The following USP54 variants were observed in gnomAD, a reference collection of about 807,000 sequenced individuals.
The protein encoded by USP54 is ubiquitin carboxyl-terminal hydrolase 54.
In USP54, 87 loss-of-function variants were observed where a neutral mutation model predicts 170.5. The ratio of observed to expected loss-of-function variants is 0.51; its 90% CI spans 0.43 to 0.61. The LOEUF (loss-of-function observed/expected upper bound fraction) is 0.61. USP54 is among the 20% of genes least tolerant of loss of function. The probability of loss-of-function intolerance (pLI) is 0.00; values close to 1 mark genes in which losing one functional copy is unlikely to be tolerated. For missense variants in USP54, 1,786 were observed against 2,047.8 expected, an observed-to-expected ratio of 0.87 and a Z score of 2.47; for synonymous variants, 655 against 742.8, an observed-to-expected ratio of 0.88 and a Z score of 1.92.
chr10:73,589,566 T>G (rs565660843), intron 1 of USP54, among the ~76,000 whole-genome samples: 187 of 152,348 alleles, frequency 1.2e-3, no homozygotes, highest in African/African-American at 4.2e-3. Flanking sequence ...TTTTAAACAC[T>G]TGATTCCATC....
chr10:73,535,029 G>A (rs2064938141), intron 11 of USP54, among the ~76,000 whole-genome samples: 1 of 152,062 alleles, frequency 6.6e-6, no homozygotes, highest in Non-Finnish European at 1.5e-5. Flanking sequence ...AAACTGTGAG[G>A]GTTTTATAAA....
At chr10:73,615,689 G>A (rs1168923623) in intron 1 of USP54, among the ~76,000 whole-genome samples, 2 of 150,082 alleles carry the variant, frequency 1.3e-5, no homozygotes, top group African/African-American at 5.1e-5. Flanking sequence ...GCGAAGCTGA[G>A]GCAGGCAGAT....
At chr10:73,563,089 C>T (rs1453126446) in intron 4 of USP54, among the ~76,000 whole-genome samples, 2 of 151,844 alleles carry the variant, frequency 1.3e-5, no homozygotes, top group East Asian at 1.9e-4. Context: ...GTAGCTGGGA[C>T]CACAGGCACA....
intron 3 of USP54, among the ~76,000 whole-genome samples, chr10:73,574,566 T>C (rs1183006499): frequency 2.0e-5 from 3 of 151,456 alleles, no homozygotes; most frequent in Non-Finnish European, 4.4e-5. Flanking sequence ...CACTTGAGGC[T>C]AGGAGTTCAA....
At chr10:73,602,967 T>G (rs1448065456) in intron 1 of USP54, among the ~76,000 whole-genome samples, 1 of 152,068 alleles carries the variant, frequency 6.6e-6, no homozygotes, top group Non-Finnish European at 1.5e-5. Flanking sequence ...ACACCTATTA[T>G]GTGCAAGTAT....
intron 21 of USP54, 101 bp from the exon 22 acceptor site, chr10:73,505,091 C>A: frequency 6.6e-7 from 1 of 1,525,072 alleles, no homozygotes; most frequent in African/African-American, 1.4e-5. Flanking sequence ...GGGGAAGACT[C>A]AGTAGTAATA....
chr10:73,542,677 G>A (rs1220176920), intron 7 of USP54, 126 bp downstream of exon 7: 4 of 889,030 alleles, frequency 4.5e-6, no homozygotes, highest in South Asian at 1.7e-5. Context: ...GTTGCAGTAA[G>A]CCGAGATTGT....
At chr10:73,586,474 C>G (rs1453202179) in intron 1 of USP54, among the ~76,000 whole-genome samples, 1 of 152,166 alleles carries the variant, frequency 6.6e-6, no homozygotes. Flanking sequence ...ACGTGGACTA[C>G]ATTTTGTCTT....
intron 17 of USP54, among the ~76,000 whole-genome samples, chr10:73,522,007 G>A (rs577550433): frequency 6.6e-6 from 1 of 152,220 alleles, no homozygotes; most frequent in African/African-American, 2.4e-5. Flanking sequence ...CCTTCACAAG[G>A]TTGCAGGGAA....
chr10:73,504,938 C>T lies in USP54; in HGVS notation c.4223G>A (p.Ser1408Asn). The change falls in exon 22 of 24, where the codon AGT becomes AAT. Residue 1408 changes from serine to asparagine, a missense_variant. Coordinates refer to ENST00000687698, the MANE Select transcript of USP54 (RefSeq NM_001391956.1). ...TGAGATGCGACGTAAATTCTCTGCA[C>T]TGTACTGCTCATCCTCCCCACACTC... ...SRECGEDEQY[S>N]AENLRRISRS... The T allele has an allele frequency of 6.2e-7, 1 of 1,614,182 alleles. No individual in the cohort carries two copies. Among genetic ancestry groups the T allele is most frequent in the Non-Finnish European group, 8.5e-7 (1 of 1,180,026 alleles).
At chr10:73,524,133 C>A (rs1031617701) in intron 16 of USP54, among the ~76,000 whole-genome samples, 1 of 150,176 alleles carries the variant, frequency 6.7e-6, no homozygotes, top group East Asian at 2.0e-4. Context: ...GTCTCGAACT[C>A]CTGACCTCGT....
Position 73,517,746 on chromosome 10 carries a change from C to G in USP54, c.2680G>C (p.Glu894Gln). ...QAGTLSQPTS[E>Q]QPIPLQVLLS... is the part of the protein sequence containing the mutation. ...AATACTTGGAGCGGGATAGGCTGTTCACTGAAACAAATGGAGAGAGCTAGT... is the reference window on the plus strand; with the variant it reads ...AATACTTGGAGCGGGATAGGCTGTTGACTGAAACAAATGGAGAGAGCTAGT... Residue 894 changes from glutamate (E) to glutamine (Q), a missense_variant and splice_region_variant, in exon 20 of 24, where the codon GAA (glutamate) becomes CAA (glutamine). By Grantham distance (29) the Glu-to-Gln change is conservative. Coordinates refer to ENST00000687698, the MANE Select transcript of USP54 (RefSeq NM_001391956.1). 6.2e-7 allele frequency: 1 copy of G among 1,607,518 alleles called. No individual in the cohort carries two copies. The highest frequency in any genetic ancestry group is 1.1e-5 in the South Asian group (1 of 90,152).
At chr10:73,616,396 C>T (rs1323285680) in intron 1 of USP54, among the ~76,000 whole-genome samples, 1 of 129,682 alleles carries the variant, frequency 7.7e-6, no homozygotes, top group East Asian at 2.2e-4. Flanking sequence ...AGCAAACTAA[C>T]ACAGGAACAG....
intron 17 of USP54, among the ~76,000 whole-genome samples, chr10:73,521,637 T>C (rs566461999): frequency 1.5e-3 from 236 of 152,372 alleles, no homozygotes; most frequent in Non-Finnish European, 2.9e-3. Flanking sequence ...CCTAATCCAA[T>C]GTATCTGCCA....
intron 4 of USP54, among the ~76,000 whole-genome samples, chr10:73,558,618 A>AT (rs1177334906): frequency 6.6e-6 from 1 of 152,188 alleles, no homozygotes; most frequent in Non-Finnish European, 1.5e-5. Context: ...CCAGCCTCTG[A>AT]TTCATCTAGA....
chr10:73,587,795 T>C (rs1221999907), intron 1 of USP54, among the ~76,000 whole-genome samples: 1 of 152,188 alleles, frequency 6.6e-6, no homozygotes, highest in East Asian at 1.9e-4. Flanking sequence ...CAGTGCCTAA[T>C]ATGTGGTAAG....
intron 20 of USP54, among the ~76,000 whole-genome samples, chr10:73,507,990 C>CA (rs888358763): frequency 5.3e-5 from 8 of 150,462 alleles, no homozygotes; most frequent in South Asian, 2.1e-4. Flanking sequence ...GACTTTGTCT[C>CA]AAAAAAAAGA....
At chr10:73,622,004 A>G (rs1420928568) in intron 1 of USP54, among the ~76,000 whole-genome samples, 1 of 152,102 alleles carries the variant, frequency 6.6e-6, no homozygotes, top group Non-Finnish European at 1.5e-5. Flanking sequence ...TTCCACCTGC[A>G]ACCTCTCCCC....
upstream of USP54, chr10:73,625,938 G>C (rs1186344453): frequency 1.4e-5 from 2 of 142,314 alleles, no homozygotes; most frequent in Admixed American, 1.4e-4. Flanking sequence ...CGCACTCACA[G>C]CTCCTGGCGC....
Sources: gnomAD v4.1 joint callset for allele counts (sites outside exome capture counted in the v4.1 genomes callset) on GRCh38, gnomAD v4.1.1 for gene constraint, MANE v1.5 for transcripts, NCBI Gene and HGNC (gene_info 2026-07-23, HGNC 2026-07-21) for gene names.